TRMT1L: variants seen among roughly 807,000 people sequenced by gnomAD.
The protein encoded by TRMT1L is tRNA (guanine(27)-N(2))-dimethyltransferase.
TRMT1L carries 28 observed loss-of-function variants against 81.6 expected under a neutral mutation model. The ratio of observed to expected loss-of-function variants is 0.34; its 90% CI spans 0.25 to 0.47. TRMT1L has a LOEUF of 0.47. TRMT1L is among the 20% of genes least tolerant of loss of function. The pLI, the probability that TRMT1L is intolerant of heterozygous loss-of-function variation, is 1.00. For synonymous variants in TRMT1L, 301 were observed against 303.2 expected (o/e 0.99, Z 0.07); for missense variants, 739 against 877.1 (o/e 0.84, Z 1.99).
intron 13 of TRMT1L, among the ~76,000 whole-genome samples, chr1:185,122,740 A>T (rs1652531360): frequency 7.1e-6 from 1 of 140,374 alleles, no homozygotes. Flanking sequence ...GCTGGAGTGC[A>T]GTGGTGCAAT....
Position 185,145,442 on chromosome 1 carries a change from C to A in TRMT1L, c.652G>T (p.Ala218Ser). The A allele has an allele frequency of 6.2e-7, 1 of 1,608,766 alleles. No homozygotes were observed. The highest frequency in any genetic ancestry group is 8.5e-7 in the Non-Finnish European group (1 of 1,176,476). ...NKGETKSSYI[A>S]ASTAKPPKEI... ...TTAATGAGATTGCTCAACTTACCTG[C>A]AATATAACTAGATTTAGTCTCTCCT... Residue 218 changes from alanine (A) to serine (S), a missense_variant, in exon 5 of 15, where the codon GCA becomes TCA. Transcript: ENST00000367506.
rs1653610268 is a variant in TRMT1L, at chr1:185,156,748, C to T, written c.-36G>A. ...TCCGTGCCAAGCCCGCCCGGGGACC[C>T]GGAGCGGGGCTCACGGCGGGGTCAG... On this transcript the variant is annotated 5_prime_UTR_variant, in exon 1 of 15. Coordinates refer to ENST00000367506, the MANE Select transcript of TRMT1L (RefSeq NM_030934.5). 3 of 1,610,396 alleles carry T rather than the reference C, an allele frequency of 1.9e-6. No homozygotes were observed. The highest frequency in any genetic ancestry group is 2.2e-5 in the South Asian group (2 of 90,846).
chr1:185,152,402 A>T (rs564146239), intron 1 of TRMT1L, among the ~76,000 whole-genome samples: 1 of 152,068 alleles, frequency 6.6e-6, no homozygotes, highest in Admixed American at 6.6e-5. Flanking sequence ...ATGCCACCCC[A>T]CCCTTGGCTG....
At chr1:185,141,817 C>T (rs191167309) in intron 7 of TRMT1L, among the ~76,000 whole-genome samples, 9 of 152,204 alleles carry the variant, frequency 5.9e-5, no homozygotes, top group Admixed American at 3.9e-4. Context: ...TCTGGACTCC[C>T]GGCAATAAAG....
intron 3 of TRMT1L, 49 bp from the exon 4 acceptor site, chr1:185,147,295 G>T: frequency 7.2e-7 from 1 of 1,396,798 alleles, no homozygotes; most frequent in Non-Finnish European, 1.0e-6. Context: ...TAAATATTCA[G>T]TTATCAAAAA....
intron 10 of TRMT1L, chr1:185,137,318 A>C: frequency 2.4e-6 from 1 of 421,826 alleles, no homozygotes; most frequent in Non-Finnish European, 4.3e-6. Flanking sequence ...AAAAAACGTA[A>C]TCTGACTTAT....
rs188774333 is a variant in TRMT1L, at chr1:185,136,885, C to T, written c.1513+721G>A. ...AGGAAAGGTGTACTATTCAATACAA[C>T]CTAATCTACTTTGAATAATCCAGGA... On this transcript the variant is annotated intron_variant, in intron 10 of 14. Transcript: ENST00000367506. Among the ~76,000 whole-genome samples the T allele has an allele frequency of 6.6e-5, 10 of 152,074 alleles. No homozygotes were observed. The East Asian group carries it at 1.5e-3, about 23-fold the overall frequency.
intron 4 of TRMT1L, 69 bp downstream of exon 4, chr1:185,147,113 G>A: frequency 2.7e-6 from 3 of 1,098,044 alleles, no homozygotes; most frequent in Non-Finnish European, 4.0e-6. Context: ...TAGTTTCACA[G>A]TAAGTAAAAA....
chr1:185,152,446 G>C (rs1477226087), intron 1 of TRMT1L, among the ~76,000 whole-genome samples: 1 of 152,226 alleles, frequency 6.6e-6, no homozygotes, highest in Non-Finnish European at 1.5e-5. Context: ...GGAGTCAGTA[G>C]AAGTATGTGC....
At chr1:185,136,780 C>T (rs529882620) in intron 10 of TRMT1L, among the ~76,000 whole-genome samples, 72 of 152,126 alleles carry the variant, frequency 4.7e-4, no homozygotes, top group African/African-American at 1.7e-3. Context: ...ACCACTGGAA[C>T]AGAACAGAAA....
At chr1:185,155,844 G>A (rs1192033837) in intron 1 of TRMT1L, among the ~76,000 whole-genome samples, 1 of 152,182 alleles carries the variant, frequency 6.6e-6, no homozygotes, top group Non-Finnish European at 1.5e-5. Flanking sequence ...GTCTATTTCT[G>A]ATGGAATGGA....
chr1:185,121,901 A>G (rs533721031), intron 13 of TRMT1L, among the ~76,000 whole-genome samples: 39 of 152,102 alleles, frequency 2.6e-4, no homozygotes, highest in African/African-American at 9.4e-4. Context: ...CAGTGGGCAT[A>G]GTACCCAACA....
chr1:185,122,682 AT>A (rs374716894), intron 13 of TRMT1L, among the ~76,000 whole-genome samples: 35,476 of 118,614 alleles, frequency 0.3, 3,010 homozygotes, highest in African/African-American at 0.35. Context: ...CTTAAATCTA[AT>A]TTTTTTTTTT....
chr1:185,118,467 A>C lies in TRMT1L; in HGVS notation c.*1552T>G, dbSNP rs1000772306. 2.0e-5 allele frequency: 3 copies of C among 152,188 alleles called. No homozygotes were observed. The highest frequency in any genetic ancestry group is 4.4e-5 in the Non-Finnish European group (3 of 68,024). The allele number at this position is 152,188 out of a possible 1,614,324, so 9.4% of individuals were successfully genotyped here. A position where few individuals can be genotyped will look rare whatever the true frequency, so the allele number is the denominator to read the frequency against. On this transcript the variant is annotated 3_prime_UTR_variant, in exon 15 of 15. Coordinates refer to ENST00000367506, the MANE Select transcript of TRMT1L (RefSeq NM_030934.5). ...TTAGCAAAATTTGAGACTGATATTC[A>C]ATAATATGTATTAAATCAGATAATC...
At chr1:185,146,025 A>G (rs1653178591) in intron 4 of TRMT1L, among the ~76,000 whole-genome samples, 2 of 152,018 alleles carry the variant, frequency 1.3e-5, no homozygotes, top group African/African-American at 4.8e-5. Flanking sequence ...TGAATTTAGG[A>G]AAAGATGTGC....
chr1:185,124,135 C>CATCTTT (rs3036579), intron 12 of TRMT1L, among the ~76,000 whole-genome samples: 76,630 of 151,322 alleles, frequency 0.51, 20,819 homozygotes, highest in African/African-American at 0.73. Context: ...TCAATAGGCT[C>CATCTTT]ATATCAATAG....
rs751843183 is a variant in TRMT1L, at chr1:185,139,539, A to C, written c.1150T>G (p.Ser384Ala). The C allele has an allele frequency of 2.0e-5, 33 of 1,613,480 alleles. No homozygotes were observed. The highest frequency in any genetic ancestry group is 2.8e-5 in the Non-Finnish European group (33 of 1,179,938). Residue 384 changes from serine (S) to alanine (A), a missense_variant, in exon 9 of 15, where the codon TCT becomes GCT. Physicochemically the swap from Ser to Ala is moderately conservative, Grantham distance 99. This residue lies in a region of TRMT1L where 331 missense variants were observed against 462.2 expected (regional missense o/e 0.72). Coordinates refer to ENST00000367506, the MANE Select transcript of TRMT1L (RefSeq NM_030934.5). Reference protein sequence around the residue: ...PFGTSVNYLDSAFRNIRNLGI... With the variant: ...PFGTSVNYLDAAFRNIRNLGI... ...AGGTTTCTTATATTTCTGAATGCAG[A>C]ATCTAGATAATTCACTGATGTTCCA...
Position 185,137,704 on chromosome 1 carries a change from G to A in TRMT1L, c.1415C>T (p.Pro472Leu), listed in dbSNP as rs760796359. 1.2e-6 allele frequency: 2 copies of A among 1,613,978 alleles called. No individual in the cohort carries two copies. Among genetic ancestry groups the A allele is most frequent in the Non-Finnish European group, 1.7e-6 (2 of 1,180,022 alleles). Residue 472 changes from proline (P) to leucine (L), a missense_variant, in exon 10 of 15, where the codon CCT becomes CTT. Transcript: ENST00000367506. ...VLVVVRVLRG[P>L]TSADETAKKI... ...CTTGGCTGTTTCATCTGCTGAAGTA[G>A]GTCCCCTCAAAACTCTCACAACTAC...
chr1:185,130,684 C>T lies in TRMT1L; in HGVS notation c.1514-1937G>A, dbSNP rs116405833. On this transcript the variant is annotated intron_variant, in intron 10 of 14. Coordinates refer to ENST00000367506, the MANE Select transcript of TRMT1L (RefSeq NM_030934.5). Reference sequence around the variant, plus strand: ...CCAGATCTTCTCTAATACAATCAAGCGTCTGTGTCCTCCCCATTCCAAAAG... The same window carrying T: ...CCAGATCTTCTCTAATACAATCAAGTGTCTGTGTCCTCCCCATTCCAAAAG... Among the ~76,000 whole-genome samples, 1,069 of 152,278 alleles carry T rather than the reference C, an allele frequency of 7.0e-3. 11 individuals are homozygous for T. Among genetic ancestry groups the T allele is most frequent in the African/African-American group, 0.023 (941 of 41,542 alleles).
Sources: allele counts gnomAD v4.1 joint callset (sites outside exome capture counted in the v4.1 genomes callset), GRCh38; gene constraint gnomAD v4.1.1; regional missense constraint gnomAD v4.1.1; transcripts MANE v1.5; gene names NCBI Gene and HGNC (gene_info 2026-07-23, HGNC 2026-07-21).